The following ITGB4 variants were observed in gnomAD, a reference collection of about 807,000 sequenced individuals.
The protein encoded by ITGB4 is integrin beta-4.
ITGB4 carries 159 observed loss-of-function variants against 207.6 expected under a neutral mutation model. That is an observed-to-expected ratio of 0.77 (90% CI 0.67 to 0.87). ITGB4 has a LOEUF of 0.87. Among genes scored for constraint, ITGB4 ranks in the 40% least tolerant of loss-of-function variants. The probability of loss-of-function intolerance (pLI) is 0.00; values close to 1 mark genes in which losing one functional copy is unlikely to be tolerated. For missense variants in ITGB4, 2,278 were observed against 2,546.8 expected (o/e 0.89, Z 2.27); for synonymous variants, 1,020 against 1,062.7 (o/e 0.96, Z 0.78).
intron 33 of ITGB4, 195 bp from the exon 34 acceptor site, chr17:75,754,380 CT>C: frequency 1.6e-6 from 1 of 643,916 alleles, no homozygotes; most frequent in African/African-American, 1.8e-5. Flanking sequence ...AGGATATGGG[CT>C]GTGGAAGCCT....
At position 75,736,142 on chromosome 17, in the gene ITGB4, C is replaced by A; in HGVS notation, c.1749C>A (p.Ile583=). The change falls in exon 14 of 40, where the codon ATC becomes ATA. Residue 583 remains isoleucine (I), a synonymous_variant. Coordinates refer to ENST00000200181, the MANE Select transcript of ITGB4 (RefSeq NM_000213.5). ...GTCCCCTCAGCAATGCCACCTGCAT[C>A]GACAGCAATGGGGTAGGCCTGGGCA... ...CDCPLSNATC[I]DSNGGICNGR... The A allele has an allele frequency of 6.2e-7, 1 of 1,614,078 alleles. No individual in the cohort carries two copies. Among genetic ancestry groups the A allele is most frequent in the Admixed American group, 1.7e-5 (1 of 60,024 alleles).
intron 2 of ITGB4, among the ~76,000 whole-genome samples, chr17:75,726,787 C>T (rs1599214063): frequency 6.6e-6 from 1 of 151,320 alleles, no homozygotes; most frequent in South Asian, 2.1e-4. Context: ...AAAATAAATA[C>T]ATAAGGCCGG....
chr17:75,737,477 C>A, intron 17 of ITGB4, 33 bp downstream of exon 17: 1 of 1,553,266 alleles, frequency 6.4e-7, no homozygotes, highest in South Asian at 1.2e-5. Flanking sequence ...AGGGAGGGGG[C>A]GTGTGGCCAG....
chr17:75,742,691 C>A lies in ITGB4; in HGVS notation c.2892C>A (p.Ala964=), dbSNP rs1034600264. Residue 964 remains alanine, a synonymous_variant, in exon 25 of 40, where the codon GCC becomes GCA. Transcript: ENST00000200181. The surrounding 1 kb of genome is among the most constrained non-coding windows in gnomAD (Gnocchi z 5.9). ...DDDEKQLLVE[A]IDVPAGTATL... ...ACGAGAAGCAGCTGCTGGTGGAGGCCATCGACGTGCCCGCAGGCACTGCCA... is the reference window on the plus strand; with the variant it reads ...ACGAGAAGCAGCTGCTGGTGGAGGCAATCGACGTGCCCGCAGGCACTGCCA... The A allele has an allele frequency of 6.2e-7, 1 of 1,613,876 alleles. No homozygotes were observed. Among genetic ancestry groups the A allele is most frequent in the African/African-American group, 1.3e-5 (1 of 75,048 alleles).
At chr17:75,753,004 A>G (rs1162770853) in intron 32 of ITGB4, among the ~76,000 whole-genome samples, 2 of 152,242 alleles carry the variant, frequency 1.3e-5, no homozygotes, top group Non-Finnish European at 2.9e-5. Context: ...TTCCCAGCAC[A>G]AAGTGCTGCG....
rs566677029 is a variant in ITGB4 at position 75,727,318 on chromosome 17, C to T, written c.162+41C>T. On this transcript the variant is annotated intron_variant, in intron 3 of 39. Transcript: ENST00000200181. This position sits in a 1 kb window ranked among gnomAD's most constrained non-coding sequence, Gnocchi z 6.0. ...GGGTTGGTGTGGAACAGGCAAGGGT[C>T]GGGAATAGCTGGTGGAAATGAATCT... 5.6e-6 allele frequency: 9 copies of T among 1,611,944 alleles called. No individual in the cohort carries two copies. The highest frequency in any genetic ancestry group is 2.7e-5 in the African/African-American group (2 of 74,836).
At chr17:75,751,731 A>ACTC (rs1474242081) in intron 30 of ITGB4, 1 of 238,010 alleles carries the variant, frequency 4.2e-6, no homozygotes, top group African/African-American at 2.3e-5. Context: ...ACAGAGCCAG[A>ACTC]CTCCGTCTAA....
In ITGB4 at chr17:75,740,616, T is replaced by A; in HGVS notation, c.2550+155T>A. 1 of 959,004 alleles carries A rather than the reference T, an allele frequency of 1.0e-6. No individual in the cohort carries two copies. The highest frequency in any genetic ancestry group is 1.6e-6 in the Non-Finnish European group (1 of 610,864). The allele number at this position is 959,004 out of a possible 1,614,324, so 59.4% of individuals were successfully genotyped here. ...GCCTGGCAGGGGGCATCCTGGGATCTGTTTCCAGAGGGCAGAAGGCCAGAG... is the reference window on the plus strand; with the variant it reads ...GCCTGGCAGGGGGCATCCTGGGATCAGTTTCCAGAGGGCAGAAGGCCAGAG... On this transcript the variant is annotated intron_variant, in intron 21 of 39. Transcript: ENST00000200181. This position sits in a 1 kb window ranked among gnomAD's most constrained non-coding sequence, Gnocchi z 5.9.
At position 75,754,640 on chromosome 17, in the gene ITGB4, GACC is replaced by G; in HGVS notation, c.4386_4388del (p.Thr1464del). ...GCAGCACCAACTCCCTGCACAGGAT[GACC>G]ACGACCAGTGCTGCTGCCTATGGCA... On this transcript the variant is annotated inframe_deletion, in exon 34 of 40. Transcript: ENST00000200181. 6.2e-7 allele frequency: 1 copy of G among 1,614,024 alleles called. No individual in the cohort carries two copies.
chr17:75,747,774 C>A (rs948719513), intron 26 of ITGB4, among the ~76,000 whole-genome samples: 25 of 152,280 alleles, frequency 1.6e-4, no homozygotes, highest in African/African-American at 5.5e-4. Flanking sequence ...CTTAGCCTCC[C>A]GAGTAGCTGG....
rs925514249 is a variant in ITGB4 at position 75,722,825 on chromosome 17, G to A, written c.-11+1213G>A. Among the ~76,000 whole-genome samples, 1 of 151,584 alleles carries A rather than the reference G, an allele frequency of 6.6e-6. No homozygotes were observed. The highest frequency in any genetic ancestry group is 1.9e-4 in the East Asian group (1 of 5,148). ...GGGGGGAAACTGCCTGTGCTGCAGT[G>A]TGATGGCATTCAGGGTGGCAGTCAC... On this transcript the variant is annotated intron_variant, in intron 1 of 39. Transcript: ENST00000200181. This position sits in a 1 kb window ranked among gnomAD's most constrained non-coding sequence, Gnocchi z 6.2.
In ITGB4 at chr17:75,740,449, G is replaced by A. The variant is rs2143085338; in HGVS notation, c.2538G>A (p.Glu846=). 1.2e-6 allele frequency: 2 copies of A among 1,613,740 alleles called. No individual in the cohort carries two copies. The highest frequency in any genetic ancestry group is 8.5e-7 in the Non-Finnish European group (1 of 1,179,962). The stretch of plus-strand genomic sequence containing the variant: ...GGGAGTGCGCCCAGCTGCGCCAGGA[G>A]GTGGAGGAGAACGTAAGGACCCAGG... ...DTRECAQLRQ[E]VEENLNEVYR... The change falls in exon 21 of 40, where the codon GAG becomes GAA. Residue 846 remains glutamate (E), a synonymous_variant. Transcript: ENST00000200181. The surrounding 1 kb of genome is among the most constrained non-coding windows in gnomAD (Gnocchi z 5.9).
In ITGB4 at chr17:75,732,381, G is replaced by T. The variant is rs1042661688; in HGVS notation, c.1454+142G>T. The T allele has an allele frequency of 2.6e-6, 2 of 779,498 alleles. No homozygotes were observed. Among genetic ancestry groups the T allele is most frequent in the Non-Finnish European group, 4.4e-6 (2 of 454,116 alleles). The allele number at this position is 779,498 out of a possible 1,614,324, so 48.3% of individuals were successfully genotyped here. On this transcript the variant is annotated intron_variant, in intron 12 of 39. Transcript: ENST00000200181. The surrounding 1 kb of genome is among the most constrained non-coding windows in gnomAD (Gnocchi z 5.3). The stretch of plus-strand genomic sequence containing the variant: ...GCAATCAAAGAAACGGCTAAGGGCG[G>T]GGCACACCCAGTTGTTGGTCAAACC...
intron 7 of ITGB4, 123 bp from the exon 8 acceptor site, chr17:75,730,118 T>C: frequency 7.8e-7 from 1 of 1,288,904 alleles, no homozygotes; most frequent in East Asian, 2.4e-5. Flanking sequence ...GGGCACTTGC[T>C]GTGAATCCAG....
At position 75,750,841 on chromosome 17, in the gene ITGB4, C is replaced by T. The variant is rs1263079013; in HGVS notation, c.3636C>T (p.Ser1212=). ...QGEGPYSSLV[S]CRTHQEVPSE... is the part of the protein sequence containing the mutation. ...AGGGACCCTACAGCTCCCTGGTGTC[C>T]TGCCGCACCCACCAGGAAGGTGAGG... Residue 1212 remains serine (S), a synonymous_variant, in exon 29 of 40, where the codon TCC becomes TCT. Coordinates refer to ENST00000200181, the MANE Select transcript of ITGB4 (RefSeq NM_000213.5). This position sits in a 1 kb window ranked among gnomAD's most constrained non-coding sequence, Gnocchi z 5.5. 1.9e-6 allele frequency: 3 copies of T among 1,613,412 alleles called. No homozygotes were observed. Among genetic ancestry groups the T allele is most frequent in the Admixed American group, 1.7e-5 (1 of 60,034 alleles).
rs963018870 is a variant in ITGB4, at chr17:75,730,160, C to T, written c.739-81C>T. 15 of 1,584,584 alleles carry T rather than the reference C, an allele frequency of 9.5e-6. No individual in the cohort carries two copies. The African/African-American group carries it at 1.1e-4, about 11-fold the overall frequency. ...AAGCCCAGCCCCATGTTGGGACCCG[C>T]GTTCCCCGTCCTACACGACGCCGTG... On this transcript the variant is annotated intron_variant, in intron 7 of 39. Transcript: ENST00000200181.
Position 75,727,218 on chromosome 17 carries a change from G to T in ITGB4, c.103G>T (p.Val35Leu), listed in dbSNP as rs759223935. The change falls in exon 3 of 40, where the codon GTG becomes TTG. Residue 35 changes from valine (V) to leucine (L), a missense_variant. Physicochemically the swap from Val to Leu is conservative, Grantham distance 32. Transcript: ENST00000200181. This position sits in a 1 kb window ranked among gnomAD's most constrained non-coding sequence, Gnocchi z 6.0. ...AGCAAACCGCTGCAAGAAGGCCCCAGTGAAGAGCTGCACGGAGTGTGTCCG... is the reference window on the plus strand; with the variant it reads ...AGCAAACCGCTGCAAGAAGGCCCCATTGAAGAGCTGCACGGAGTGTGTCCG... The part of the protein sequence containing the change: ...TLANRCKKAP[V>L]KSCTECVRVD... 5.0e-6 allele frequency: 8 copies of T among 1,613,986 alleles called. No homozygotes were observed. Among genetic ancestry groups the T allele is most frequent in the Non-Finnish European group, 2.5e-6 (3 of 1,179,992 alleles).
At chr17:75,754,915 C>A in intron 34 of ITGB4, 100 bp downstream of exon 34, 2 of 1,571,194 alleles carry the variant, frequency 1.3e-6, no homozygotes, top group South Asian at 1.1e-5. Flanking sequence ...CGCCCATTCT[C>A]CAACATACAC....
rs200827654 is a variant in ITGB4 at position 75,739,857 on chromosome 17, G to A, written c.2255-23G>A. The A allele has an allele frequency of 3.4e-4, 545 of 1,612,964 alleles. 1 individual carries two copies. Among genetic ancestry groups the A allele is most frequent in the Middle Eastern group, 6.6e-4 (4 of 6,060 alleles). On this transcript the variant is annotated intron_variant, in intron 19 of 39. Transcript: ENST00000200181. The surrounding 1 kb of genome is among the most constrained non-coding windows in gnomAD (Gnocchi z 5.4). ...CTGTGCGGGTCTAGGGAGGGGTGCC[G>A]TGCTGAGGACCCCATCCTGCAGGTC... is the stretch of plus-strand genomic sequence containing the variant.
Sources: gnomAD v4.1 joint callset for allele counts (sites outside exome capture counted in the v4.1 genomes callset) on GRCh38, gnomAD v4.1.1 for gene constraint, Gnocchi (gnomAD v3.1) non-coding constraint, MANE v1.5 for transcripts, NCBI Gene and HGNC (gene_info 2026-07-23, HGNC 2026-07-21) for gene names.